Variants in FOXJ3 observed in about 807,000 individuals in gnomAD.
The protein encoded by FOXJ3 is forkhead box protein J3.
FOXJ3 carries 22 observed loss-of-function variants against 76.1 expected under a neutral mutation model. The observed-to-expected ratio is 0.29, with a 90% confidence interval of 0.21 to 0.41. FOXJ3 has a LOEUF of 0.41. FOXJ3 is among the 10% of genes least tolerant of loss of function. FOXJ3 has a pLI of 1.00. For synonymous variants in FOXJ3, 269 were observed against 261.2 expected, an observed-to-expected ratio of 1.03 and a Z score of -0.29; for missense variants, 613 against 762.1, an observed-to-expected ratio of 0.80 and a Z score of 2.30.
At chr1:42,300,416 G>A (rs994987801) in intron 2 of FOXJ3, among the ~76,000 whole-genome samples, 43 of 152,038 alleles carry the variant, frequency 2.8e-4, no homozygotes, top group African/African-American at 9.7e-4. Flanking sequence ...CTTCACACTT[G>A]TTTGTCTGGG....
At chr1:42,291,091 C>T (rs1274397509) in intron 2 of FOXJ3, among the ~76,000 whole-genome samples, 78 of 149,264 alleles carry the variant, frequency 5.2e-4, no homozygotes, top group African/African-American at 1.7e-3. Flanking sequence ...GATAGACAGA[C>T]AGACAGACAG....
At chr1:42,329,615 T>A (rs1285733176) in intron 1 of FOXJ3, among the ~76,000 whole-genome samples, 1 of 152,178 alleles carries the variant, frequency 6.6e-6, no homozygotes, top group Admixed American at 6.5e-5. Flanking sequence ...TTCTGAATAG[T>A]GGCAATGTGG....
chr1:42,223,574 T>C (rs1241952846), intron 5 of FOXJ3, among the ~76,000 whole-genome samples: 1 of 152,206 alleles, frequency 6.6e-6, no homozygotes, highest in African/African-American at 2.4e-5. Flanking sequence ...AGCTCCACTT[T>C]CGCACCAAAA....
In FOXJ3 at chr1:42,181,935, G is replaced by C; in HGVS notation, c.1735C>G (p.Pro579Ala). Reference sequence around the variant, plus strand: ...CTCTTACCTGCCATCGTTGTTCCTGGAGTGCTGAGTGCCTGTGGGATATGA... The same window carrying C: ...CTCTTACCTGCCATCGTTGTTCCTGCAGTGCTGAGTGCCTGTGGGATATGA... Reference protein sequence around the residue: ...YPHIPQALSTPGTTMAGHHRA... With the variant: ...YPHIPQALSTAGTTMAGHHRA... Residue 579 changes from proline to alanine, a missense_variant, in exon 12 of 13, where the codon CCA (proline) becomes GCA (alanine). Pro to Ala is a conservative substitution (Grantham distance 27). Transcript: ENST00000361346. 6.2e-7 allele frequency: 1 copy of C among 1,610,546 alleles called. No individual in the cohort carries two copies. The highest frequency in any genetic ancestry group is 8.5e-7 in the Non-Finnish European group (1 of 1,177,222).
At chr1:42,181,825 ACACT>A (rs772852090) in intron 12 of FOXJ3, 88 bp downstream of exon 12, 25 of 781,508 alleles carry the variant, frequency 3.2e-5, no homozygotes, top group Admixed American at 7.7e-5. Flanking sequence ...ACACACACAC[ACACT>A]CTCTCTCTCA....
At chr1:42,315,043 A>C (rs368674771) in intron 1 of FOXJ3, among the ~76,000 whole-genome samples, 24 of 152,384 alleles carry the variant, frequency 1.6e-4, no homozygotes, top group African/African-American at 5.8e-4. Context: ...TACCACATAA[A>C]TGAACCTTGA....
At chr1:42,271,321 T>C (rs1041566986) in intron 3 of FOXJ3, among the ~76,000 whole-genome samples, 3 of 152,036 alleles carry the variant, frequency 2.0e-5, no homozygotes, top group Non-Finnish European at 2.9e-5. Context: ...TTTTTTTAAA[T>C]ATGTAAAACA....
chr1:42,290,407 T>A (rs188161416), intron 2 of FOXJ3, among the ~76,000 whole-genome samples: 2 of 152,264 alleles, frequency 1.3e-5, no homozygotes, highest in South Asian at 2.1e-4. Context: ...CAACACTGAT[T>A]ATCATTAAAA....
intron 1 of FOXJ3, among the ~76,000 whole-genome samples, chr1:42,324,412 CAT>C (rs1348318794): frequency 6.8e-5 from 10 of 147,080 alleles, no homozygotes; most frequent in East Asian, 2.0e-4. Context: ...CTATATATAA[CAT>C]ATAAATCACT....
chr1:42,299,032 G>C (rs939482428), intron 2 of FOXJ3, among the ~76,000 whole-genome samples: 1 of 152,094 alleles, frequency 6.6e-6, no homozygotes, highest in African/African-American at 2.4e-5. Context: ...CAGTATTTTG[G>C]AATGTATTGA....
intron 5 of FOXJ3, among the ~76,000 whole-genome samples, chr1:42,211,437 C>T (rs1646964005): frequency 6.6e-6 from 1 of 152,050 alleles, no homozygotes; most frequent in Non-Finnish European, 1.5e-5. Context: ...GCCTGAAAGA[C>T]AGCTTTGGTG....
chr1:42,326,361 C>T (rs1381736737), intron 1 of FOXJ3, among the ~76,000 whole-genome samples: 1 of 152,162 alleles, frequency 6.6e-6, no homozygotes, highest in Non-Finnish European at 1.5e-5. Flanking sequence ...CTGTAGAGAG[C>T]TTAGAAAATA....
chr1:42,327,153 A>T (rs966796611), intron 1 of FOXJ3, among the ~76,000 whole-genome samples: 2 of 152,246 alleles, frequency 1.3e-5, no homozygotes, highest in African/African-American at 2.4e-5. Context: ...CTACAATAAT[A>T]TAAAACACGA....
At chr1:42,229,949 A>C (rs1647931642) in intron 4 of FOXJ3, among the ~76,000 whole-genome samples, 1 of 152,178 alleles carries the variant, frequency 6.6e-6, no homozygotes, top group Admixed American at 6.5e-5. Flanking sequence ...AATCTGGGGA[A>C]ACCATTCAAT....
chr1:42,281,956 G>A (rs1035226831), intron 2 of FOXJ3, among the ~76,000 whole-genome samples: 1 of 152,070 alleles, frequency 6.6e-6, no homozygotes, highest in Admixed American at 6.5e-5. Context: ...CTACTTGGGA[G>A]GCTGAGGCAG....
At chr1:42,261,716 A>G (rs1651052588) in intron 4 of FOXJ3, among the ~76,000 whole-genome samples, 1 of 152,198 alleles carries the variant, frequency 6.6e-6, no homozygotes, top group Admixed American at 6.5e-5. Flanking sequence ...AAGTCATGGC[A>G]GCAGCTAGCA....
intron 3 of FOXJ3, among the ~76,000 whole-genome samples, chr1:42,275,500 C>A (rs948774115): frequency 6.6e-6 from 1 of 152,000 alleles, no homozygotes; most frequent in African/African-American, 2.4e-5. Context: ...CCAGTCCAGG[C>A]AACATAGCAA....
At chr1:42,253,734 TGGTGC>T (rs1650316322) in intron 4 of FOXJ3, among the ~76,000 whole-genome samples, 2 of 152,242 alleles carry the variant, frequency 1.3e-5, no homozygotes, top group African/African-American at 4.8e-5. Context: ...ATTTAATAAA[TGGTGC>T]TGGGAAAACT....
chr1:42,324,950 G>A (rs1481519277), intron 1 of FOXJ3, among the ~76,000 whole-genome samples: 1 of 151,090 alleles, frequency 6.6e-6, no homozygotes, highest in Non-Finnish European at 1.5e-5. Flanking sequence ...GATTATGATG[G>A]CTTTGAGGTC....
Sources: allele counts gnomAD v4.1 joint callset (sites outside exome capture counted in the v4.1 genomes callset), GRCh38; gene constraint gnomAD v4.1.1; transcripts MANE v1.5; gene names NCBI Gene and HGNC (gene_info 2026-07-23, HGNC 2026-07-21).